The following NRXN3 variants were observed in gnomAD, a reference collection of about 807,000 sequenced individuals.
NRXN3 encodes the protein neurexin III.
Under a neutral mutation model 137.6 loss-of-function variants are expected in NRXN3, and 32 were observed. The observed-to-expected ratio is 0.23, with a 90% CI of 0.18 to 0.31. NRXN3 has a LOEUF of 0.31. Among genes scored for constraint, NRXN3 ranks in the 10% least tolerant of loss-of-function variants. The pLI is 1.00. For synonymous variants in NRXN3, 798 were observed against 784.5 expected (o/e 1.02, Z -0.29); for missense variants, 1,574 against 2,062.5 (o/e 0.76, Z 4.59).
chr14:78,238,252 G>A (rs2066600331), intron 1 of NRXN3, among the ~76,000 whole-genome samples: 2 of 150,826 alleles, frequency 1.3e-5, no homozygotes, highest in African/African-American at 4.9e-5. Flanking sequence ...TAAATTAGCT[G>A]ACAATTAGAT....
At chr14:79,339,701 G>T (rs1028678061) in intron 15 of NRXN3, among the ~76,000 whole-genome samples, 5 of 152,136 alleles carry the variant, frequency 3.3e-5, no homozygotes, top group Non-Finnish European at 5.9e-5. Context: ...TATAGCCAAG[G>T]TCTTTGGAGA....
chr14:79,345,336 T>C (rs1199366594), intron 15 of NRXN3, among the ~76,000 whole-genome samples: 28 of 152,162 alleles, frequency 1.8e-4, no homozygotes, highest in Admixed American at 1.8e-3. Flanking sequence ...ATGGGTTAAA[T>C]TACTTGCTTT....
At chr14:79,080,580 G>T (rs150004817) in intron 15 of NRXN3, among the ~76,000 whole-genome samples, 148 of 152,186 alleles carry the variant, frequency 9.7e-4, no homozygotes, top group Middle Eastern at 6.8e-3. Flanking sequence ...TCTCTAGAAA[G>T]TTCATGTAGC....
rs141725085 is a variant in NRXN3, at chr14:79,819,679, T to G, written c.4093+14489T>G. On this transcript the variant is annotated intron_variant, in intron 20 of 20. Transcript: ENST00000335750. Reference sequence around the variant, plus strand: ...TTTGTGTTTTTAGTAGAGACGGGGTTTCACCATGTTGGCCAGACTGGTCTC... The same window carrying G: ...TTTGTGTTTTTAGTAGAGACGGGGTGTCACCATGTTGGCCAGACTGGTCTC... Among the ~76,000 whole-genome samples, 158 of 151,976 alleles carry G rather than the reference T, an allele frequency of 1.0e-3. 1 individual carries two copies. The highest frequency in any genetic ancestry group is 3.6e-3 in the African/African-American group (150 of 41,438).
intron 4 of NRXN3, among the ~76,000 whole-genome samples, chr14:78,349,211 T>C (rs2153591260): frequency 6.6e-6 from 1 of 152,372 alleles, no homozygotes; most frequent in Non-Finnish European, 1.5e-5. Flanking sequence ...TTGTGCCTGC[T>C]AACGAATATT....
At position 78,613,543 on chromosome 14, in the gene NRXN3, T is replaced by A. The variant is rs192046984; in HGVS notation, c.758-31577T>A. ...GCCAGAGAAAAGGGGGCACAGAGTC[T>A]TTAAGCAAGAGGAGAAAACTGTCTC... On this transcript the variant is annotated intron_variant, in intron 4 of 20. Coordinates refer to ENST00000335750, the MANE Select transcript of NRXN3 (RefSeq NM_001330195.2). Among the ~76,000 whole-genome samples, 4 of 151,632 alleles carry A rather than the reference T, an allele frequency of 2.6e-5. No homozygotes were observed. In the East Asian group the frequency reaches 7.7e-4, roughly 29 times the overall value.
At chr14:79,822,544 C>T (rs537541646) in intron 20 of NRXN3, among the ~76,000 whole-genome samples, 4 of 151,948 alleles carry the variant, frequency 2.6e-5, no homozygotes, top group Non-Finnish European at 5.9e-5. Context: ...TGAAAACAAA[C>T]ATCCGAAAAA....
chr14:78,818,868 T>C (rs1184811527), intron 10 of NRXN3, among the ~76,000 whole-genome samples: 1 of 152,182 alleles, frequency 6.6e-6, no homozygotes, highest in African/African-American at 2.4e-5. Flanking sequence ...TTCTTGTTTT[T>C]CTTGAAGAAA....
chr14:78,217,750 C>T (rs1325594763), intron 1 of NRXN3, among the ~76,000 whole-genome samples: 1 of 152,196 alleles, frequency 6.6e-6, no homozygotes, highest in Non-Finnish European at 1.5e-5. Flanking sequence ...CAAACTCCAC[C>T]TCCTAGGTTC....
At chr14:78,229,356 G>A (rs1567022544) in intron 1 of NRXN3, among the ~76,000 whole-genome samples, 1 of 152,046 alleles carries the variant, frequency 6.6e-6, no homozygotes, top group East Asian at 1.9e-4. Context: ...CGGTCAAAGG[G>A]TCCTGATAGT....
intron 17 of NRXN3, among the ~76,000 whole-genome samples, chr14:79,677,077 C>T (rs559020943): frequency 2.0e-5 from 3 of 151,948 alleles, no homozygotes; most frequent in African/African-American, 4.8e-5. Flanking sequence ...ACTATAAATA[C>T]TTTTATAACA....
chr14:79,271,440 C>CT (rs961588489), intron 15 of NRXN3, among the ~76,000 whole-genome samples: 2 of 146,384 alleles, frequency 1.4e-5, no homozygotes, highest in South Asian at 2.3e-4. Context: ...TTCCTTTCCC[C>CT]TTTTTTTCCC....
intron 20 of NRXN3, among the ~76,000 whole-genome samples, chr14:79,841,331 C>T (rs944919370): frequency 3.3e-5 from 5 of 152,076 alleles, no homozygotes; most frequent in Admixed American, 2.6e-4. Flanking sequence ...GAGAACTTAC[C>T]GGCCCTATAG....
Position 78,779,775 on chromosome 14 carries a change from G to A in NRXN3, c.2045-23845G>A, listed in dbSNP as rs550896997. Among the ~76,000 whole-genome samples, 206 of 152,088 alleles carry A rather than the reference G, an allele frequency of 1.4e-3. 1 individual carries two copies. Among genetic ancestry groups the A allele is most frequent in the Non-Finnish European group, 3.4e-4 (23 of 67,984 alleles). ...CGAATAAAAGATTCAAGACCATTAG[G>A]GGAAAAATGACAAAATATTATTGAA... On this transcript the variant is annotated intron_variant, in intron 8 of 20. Transcript: ENST00000335750.
intron 4 of NRXN3, among the ~76,000 whole-genome samples, chr14:78,417,404 C>T (rs1276878102): frequency 6.6e-6 from 1 of 152,182 alleles, no homozygotes; most frequent in Non-Finnish European, 1.5e-5. Flanking sequence ...ACAAACATGC[C>T]CCCATGGGAG....
chr14:79,391,089 C>T (rs1599621159), intron 15 of NRXN3, among the ~76,000 whole-genome samples: 2 of 152,150 alleles, frequency 1.3e-5, no homozygotes, highest in South Asian at 2.1e-4. Context: ...TGTAAATTAT[C>T]CAGGCTCAGA....
intron 4 of NRXN3, among the ~76,000 whole-genome samples, chr14:78,491,853 C>T (rs995116109): frequency 6.6e-6 from 1 of 152,130 alleles, no homozygotes; most frequent in Non-Finnish European, 1.5e-5. Context: ...AAAATTTCCT[C>T]CTTTCTTACC....
chr14:78,770,556 T>A (rs1465229486), intron 8 of NRXN3, among the ~76,000 whole-genome samples: 1 of 152,200 alleles, frequency 6.6e-6, no homozygotes, highest in Non-Finnish European at 1.5e-5. Flanking sequence ...GCCAAAGGGC[T>A]GAATAGATAT....
chr14:78,277,207 T>G (rs1257588363), intron 2 of NRXN3, among the ~76,000 whole-genome samples: 1 of 152,182 alleles, frequency 6.6e-6, no homozygotes, highest in Non-Finnish European at 1.5e-5. Flanking sequence ...ACACTGGAGC[T>G]TTACAAATCT....
Sources: allele counts gnomAD v4.1 joint callset (sites outside exome capture counted in the v4.1 genomes callset), GRCh38; gene constraint gnomAD v4.1.1; transcripts MANE v1.5; gene names NCBI Gene and HGNC (gene_info 2026-07-23, HGNC 2026-07-21).